The following TAFA2 variants were observed in gnomAD, a reference collection of about 807,000 sequenced individuals.
The protein encoded by TAFA2 is chemokine-like protein TAFA-2.
Under a neutral mutation model 18.8 loss-of-function variants are expected in TAFA2, and 7 were observed. The observed-to-expected ratio is 0.37, with a 90% CI of 0.21 to 0.70. TAFA2 has a LOEUF of 0.70. Among genes scored for constraint, TAFA2 ranks in the 30% least tolerant of loss-of-function variants. The probability of loss-of-function intolerance (pLI) is 0.53; values close to 1 mark genes in which losing one functional copy is unlikely to be tolerated. For missense variants in TAFA2, 122 were observed against 158.1 expected (o/e 0.77, Z 1.23); for synonymous variants, 60 against 54.2 (o/e 1.11, Z -0.47).
At position 62,104,385 on chromosome 12, in the gene TAFA2, G is replaced by A. The variant is rs957099116; in HGVS notation, c.-2+86874C>T. Among the ~76,000 whole-genome samples, 6 of 152,050 alleles carry A rather than the reference G, an allele frequency of 3.9e-5. No individual in the cohort carries two copies. In the East Asian group the frequency reaches 9.6e-4, roughly 24 times the overall value. ...GCTCTGAATTGCGCATCTGATTAAA[G>A]AAGGAAAAGCATAGTACAACTAAAG... On this transcript the variant is annotated intron_variant, in intron 1 of 4. Coordinates refer to ENST00000416284, the MANE Select transcript of TAFA2 (RefSeq NM_178539.5).
chr12:62,186,249 C>A (rs982756234), intron 1 of TAFA2, among the ~76,000 whole-genome samples: 3 of 152,130 alleles, frequency 2.0e-5, no homozygotes, highest in African/African-American at 7.2e-5. Flanking sequence ...TTTGCATGAC[C>A]TTTAAAGGGC....
chr12:62,035,733 C>CTTTCTTTTTTTTTTTTTTTTTTTTTTTT (rs1881584073), intron 1 of TAFA2, among the ~76,000 whole-genome samples: 1 of 60,228 alleles, frequency 1.7e-5, no homozygotes, highest in African/African-American at 7.6e-5. Context: ...ATGATTCTTT[C>CTTTCTTTTTTTTTTTTTTTTTTTTTTTT]TTTTTTTTTT....
intron 1 of TAFA2, among the ~76,000 whole-genome samples, chr12:62,071,669 G>A (rs1010247344): frequency 6.6e-6 from 1 of 152,216 alleles, no homozygotes; most frequent in Admixed American, 6.5e-5. Context: ...TCTAAAGAGA[G>A]TTGTAGACCT....
chr12:61,911,135 A>G (rs1199352044), intron 1 of TAFA2, among the ~76,000 whole-genome samples: 1 of 152,208 alleles, frequency 6.6e-6, no homozygotes, highest in African/African-American at 2.4e-5. Context: ...CAATTATTTA[A>G]GATCAGATTG....
chr12:61,933,986 G>A (rs981433632), intron 1 of TAFA2, among the ~76,000 whole-genome samples: 1 of 152,180 alleles, frequency 6.6e-6, no homozygotes, highest in African/African-American at 2.4e-5. Flanking sequence ...AAATAAATTA[G>A]CATCGAATTT....
At chr12:62,234,846 TA>T in intron 1 of TAFA2, 1 of 1,039,068 alleles carries the variant, frequency 9.6e-7, no homozygotes, top group Non-Finnish European at 1.5e-6. Context: ...CCTGAGATCC[TA>T]AAACCAGCAA....
chr12:61,935,653 T>A (rs894053007), intron 1 of TAFA2, among the ~76,000 whole-genome samples: 2 of 152,192 alleles, frequency 1.3e-5, no homozygotes, highest in East Asian at 3.8e-4. Flanking sequence ...TATTTCTCAT[T>A]TTTTGAAAGA....
At chr12:61,946,342 A>G (rs971824476) in intron 1 of TAFA2, among the ~76,000 whole-genome samples, 8 of 144,814 alleles carry the variant, frequency 5.5e-5, no homozygotes, top group Non-Finnish European at 9.1e-5. Context: ...TAGACCTAAA[A>G]CCATAAAAAC....
At chr12:62,045,756 C>G (rs879929171) in intron 1 of TAFA2, among the ~76,000 whole-genome samples, 2 of 152,054 alleles carry the variant, frequency 1.3e-5, no homozygotes, top group Non-Finnish European at 2.9e-5. Flanking sequence ...TTTTTCCTCT[C>G]TCCTTACCAA....
chr12:61,802,167 A>T (rs1871423645), intron 2 of TAFA2, among the ~76,000 whole-genome samples: 1 of 152,092 alleles, frequency 6.6e-6, no homozygotes. Context: ...GTGGGAATGT[A>T]AAAAGTATAG....
intron 1 of TAFA2, among the ~76,000 whole-genome samples, chr12:61,932,518 C>A (rs944870398): frequency 3.9e-5 from 6 of 152,182 alleles, no homozygotes; most frequent in African/African-American, 9.7e-5. Context: ...CAGCTCACTG[C>A]AAGCTCTGCC....
At chr12:62,233,066 C>CTCT (rs2062819516) in intron 1 of TAFA2, among the ~76,000 whole-genome samples, 2 of 39,578 alleles carry the variant, frequency 5.1e-5, no homozygotes, top group Non-Finnish European at 9.1e-5. Context: ...TTCTGCATCT[C>CTCT]TTTTTTTTTT....
At chr12:61,928,689 C>A (rs750936660) in intron 1 of TAFA2, among the ~76,000 whole-genome samples, 1 of 152,166 alleles carries the variant, frequency 6.6e-6, no homozygotes, top group Non-Finnish European at 1.5e-5. Flanking sequence ...GATTATAAAT[C>A]ATTCTACTAA....
At chr12:61,823,342 C>T (rs1179858676) in intron 2 of TAFA2, among the ~76,000 whole-genome samples, 3 of 151,942 alleles carry the variant, frequency 2.0e-5, no homozygotes, top group African/African-American at 4.8e-5. Context: ...CCAGCCCTAA[C>T]GTTTACTCTG....
At chr12:61,829,535 T>A (rs1046339944) in intron 2 of TAFA2, among the ~76,000 whole-genome samples, 3 of 151,726 alleles carry the variant, frequency 2.0e-5, no homozygotes, top group Admixed American at 6.6e-5. Context: ...AATGCCACAA[T>A]AATTTATATT....
At chr12:61,831,988 A>C (rs1395862496) in intron 2 of TAFA2, among the ~76,000 whole-genome samples, 1 of 152,112 alleles carries the variant, frequency 6.6e-6, no homozygotes, top group Non-Finnish European at 1.5e-5. Flanking sequence ...AAAAATATAT[A>C]AATAATTTTA....
intron 1 of TAFA2, among the ~76,000 whole-genome samples, chr12:62,221,534 T>C (rs554375373): frequency 6.6e-6 from 1 of 152,238 alleles, no homozygotes; most frequent in East Asian, 1.9e-4. Flanking sequence ...TCAGGATAGA[T>C]AACTCAGAAA....
At chr12:62,136,668 T>C (rs775103397) in intron 1 of TAFA2, among the ~76,000 whole-genome samples, 19 of 152,264 alleles carry the variant, frequency 1.2e-4, no homozygotes, top group Admixed American at 6.5e-4. Context: ...ACAGAAGATA[T>C]TGACAACTGA....
At chr12:61,779,190 A>G (rs11174170) in intron 2 of TAFA2, among the ~76,000 whole-genome samples, 6,942 of 151,926 alleles carry the variant, frequency 0.046, 501 homozygotes, top group African/African-American at 0.16. Context: ...AATTATGCTT[A>G]AAAGATAGTC....
Sources: allele counts gnomAD v4.1 joint callset (sites outside exome capture counted in the v4.1 genomes callset), GRCh38; gene constraint gnomAD v4.1.1; transcripts MANE v1.5; gene names NCBI Gene and HGNC (gene_info 2026-07-23, HGNC 2026-07-21).